The following XKR9 variants were observed in gnomAD, a reference collection of about 807,000 sequenced individuals.
XKR9 encodes the protein XK related 9.
A neutral mutation model predicts 32.0 loss-of-function variants in XKR9; 32 were observed. The ratio of observed to expected loss-of-function variants is 1.00; its 90% CI spans 0.76 to 1.34. The LOEUF (loss-of-function observed/expected upper bound fraction) is 1.34, where lower values mean the gene tolerates loss of function less well. Ranked by LOEUF, XKR9 falls within the 40% of genes most tolerant of loss-of-function variation. The probability of loss-of-function intolerance (pLI) is 0.00; values close to 1 mark genes in which losing one functional copy is unlikely to be tolerated. For synonymous variants in XKR9, 168 were observed against 143.4 expected (o/e 1.17, Z -1.22); for missense variants, 546 against 429.7 (o/e 1.27, Z -2.39).
the XKR9 span, among the ~76,000 whole-genome samples, chr8:70,998,671 A>ATTTT: frequency 1.3e-5 from 2 of 152,160 alleles, no homozygotes; most frequent in Non-Finnish European, 2.9e-5. Context: ...TTCAATACAG[A>ATTTT]TTCCTAAACT....
chr8:70,881,563 A>G, the XKR9 span, among the ~76,000 whole-genome samples: 1 of 152,228 alleles, frequency 6.6e-6, no homozygotes, highest in East Asian at 1.9e-4. Flanking sequence ...AACCACAATG[A>G]GATAACATCT....
chr8:70,809,934 A>T, the XKR9 span, among the ~76,000 whole-genome samples: 3 of 152,202 alleles, frequency 2.0e-5, no homozygotes, highest in Non-Finnish European at 4.4e-5. Flanking sequence ...CAGGAAATAC[A>T]GAGAACACCA....
intron 2 of XKR9, among the ~76,000 whole-genome samples, chr8:70,680,437 A>G (rs1819036224): frequency 1.3e-5 from 2 of 152,228 alleles, no homozygotes; most frequent in Non-Finnish European, 2.9e-5. Flanking sequence ...CCTTTGTTAC[A>G]TATATTTTAG....
chr8:70,862,123 G>GCTT, the XKR9 span, among the ~76,000 whole-genome samples: 1 of 152,148 alleles, frequency 6.6e-6, no homozygotes, highest in African/African-American at 2.4e-5. Flanking sequence ...AGTCATGGAT[G>GCTT]CTTCCCCTTG....
chr8:70,696,215 C>T (rs78314714), intron 3 of XKR9, among the ~76,000 whole-genome samples: 18,654 of 151,906 alleles, frequency 0.12, 1,427 homozygotes, highest in African/African-American at 0.21. Flanking sequence ...TTCTGGCTTT[C>T]GTTGCCATTG....
chr8:70,771,522 G>A (rs776126700), intron 2 of XKR9, among the ~76,000 whole-genome samples: 30 of 152,146 alleles, frequency 2.0e-4, no homozygotes, highest in Non-Finnish European at 4.1e-4. Flanking sequence ...AAGGAAGATG[G>A]ATACCTTAGT....
chr8:70,729,601 G>A (rs1340264933), intron 4 of XKR9, among the ~76,000 whole-genome samples: 2 of 151,960 alleles, frequency 1.3e-5, no homozygotes, highest in African/African-American at 4.8e-5. Flanking sequence ...ATCAAAATAA[G>A]GCAACAATTG....
intron 4 of XKR9, among the ~76,000 whole-genome samples, chr8:70,732,311 A>G (rs1418858590): frequency 6.6e-6 from 1 of 152,256 alleles, no homozygotes; most frequent in Non-Finnish European, 1.5e-5. Context: ...ATGGAGCTAC[A>G]GATACCCTGT....
At chr8:70,800,982 GTT>G in the XKR9 span, among the ~76,000 whole-genome samples, 6 of 127,156 alleles carry the variant, frequency 4.7e-5, no homozygotes, top group Admixed American at 7.8e-5. Flanking sequence ...GGTCTCTAAG[GTT>G]TTTTTTTTTT....
At chr8:70,744,813 C>G (rs1167087633) in intron 2 of XKR9, among the ~76,000 whole-genome samples, 1 of 131,616 alleles carries the variant, frequency 7.6e-6, no homozygotes, top group Non-Finnish European at 1.8e-5. Context: ...GCCATGTTGG[C>G]CAGGCTGGTC....
chr8:70,846,632 A>G, the XKR9 span, among the ~76,000 whole-genome samples: 1 of 152,208 alleles, frequency 6.6e-6, no homozygotes. Context: ...TGATGCCTAC[A>G]GAAACTCACT....
At chr8:70,781,654 A>G (rs2130253334) in intron 2 of XKR9, among the ~76,000 whole-genome samples, 1 of 151,234 alleles carries the variant, frequency 6.6e-6, no homozygotes, top group South Asian at 2.1e-4. Context: ...ATGAGATCTC[A>G]TTGTGGTTTT....
At chr8:70,732,005 T>C (rs1806683386) in intron 4 of XKR9, among the ~76,000 whole-genome samples, 1 of 152,200 alleles carries the variant, frequency 6.6e-6, no homozygotes, top group African/African-American at 2.4e-5. Flanking sequence ...AGGAGAAGTC[T>C]CCTGAACCAA....
chr8:70,797,005 C>T, the XKR9 span, among the ~76,000 whole-genome samples: 1 of 152,032 alleles, frequency 6.6e-6, no homozygotes, highest in African/African-American at 2.4e-5. Flanking sequence ...ATCCTGTGAC[C>T]CCAGTTAGCA....
chr8:70,691,816 C>A (rs1313351555), intron 3 of XKR9, among the ~76,000 whole-genome samples: 2 of 152,086 alleles, frequency 1.3e-5, no homozygotes, highest in African/African-American at 4.8e-5. Context: ...GTCATTATAG[C>A]CCTGTAGTAT....
At chr8:71,036,464 C>CT in the XKR9 span, among the ~76,000 whole-genome samples, 2 of 151,960 alleles carry the variant, frequency 1.3e-5, no homozygotes, top group Non-Finnish European at 2.9e-5. Flanking sequence ...AAAAAACCTT[C>CT]TTTTTTTTCT....
At chr8:70,841,130 T>C in the XKR9 span, among the ~76,000 whole-genome samples, 1 of 152,128 alleles carries the variant, frequency 6.6e-6, no homozygotes, top group Non-Finnish European at 1.5e-5. Flanking sequence ...AAGAAAATAT[T>C]CTTATCTATA....
At chr8:70,921,248 G>T in the XKR9 span, among the ~76,000 whole-genome samples, 1 of 152,172 alleles carries the variant, frequency 6.6e-6, no homozygotes, top group Non-Finnish European at 1.5e-5. Flanking sequence ...CTGCTATACT[G>T]GGGCCCTCTG....
At chr8:70,700,876 A>T (rs1805501808) in intron 3 of XKR9, among the ~76,000 whole-genome samples, 2 of 152,176 alleles carry the variant, frequency 1.3e-5, no homozygotes, top group South Asian at 4.1e-4. Flanking sequence ...TACCTGAGCA[A>T]GCCTGGGCAA....
Sources: gnomAD v4.1 joint callset for allele counts (sites outside exome capture counted in the v4.1 genomes callset) on GRCh38, gnomAD v4.1.1 for gene constraint, MANE v1.5 for transcripts, NCBI Gene and HGNC (gene_info 2026-07-23, HGNC 2026-07-21) for gene names.